ECPAS: variants seen among roughly 807,000 people sequenced by gnomAD.
ECPAS encodes Ecm29 proteasome adaptor and scaffold.
Under a neutral mutation model 255.1 loss-of-function variants are expected in ECPAS, and 70 were observed. The ratio of observed to expected loss-of-function variants is 0.27; its 90% CI spans 0.23 to 0.33. The LOEUF (loss-of-function observed/expected upper bound fraction) is 0.33, where lower values mean the gene tolerates loss of function less well. Ranked by LOEUF, ECPAS falls within the 10% of genes least tolerant of loss-of-function variation. The pLI, the probability that ECPAS is intolerant of heterozygous loss-of-function variation, is 1.00. For synonymous variants in ECPAS, 784 were observed against 775.0 expected, an observed-to-expected ratio of 1.01 and a Z score of -0.19; for missense variants, 1,817 against 2,206.4, an observed-to-expected ratio of 0.82 and a Z score of 3.54.
Position 111,393,682 on chromosome 9 carries a change from T to C in ECPAS, c.2975A>G (p.Asp992Gly). ...SAFVSVLSEN[D>G]ELSQDVASKG... ...GAAATCAAATATTAACAACCTACCA[T>C]CATTTTCTGATAGAACTGAAACAAA... Residue 992 changes from aspartate to glycine, a missense_variant and splice_region_variant, in exon 27 of 50, where the codon GAT becomes GGT. Asp to Gly is a moderately conservative substitution (Grantham distance 94, BLOSUM62 -1). Coordinates refer to ENST00000684092, the MANE Select transcript of ECPAS (RefSeq NM_001364929.1). 1 of 1,559,176 alleles carries C rather than the reference T, an allele frequency of 6.4e-7. No individual in the cohort carries two copies.
Position 111,444,392 on chromosome 9 carries a change from C to T in ECPAS, c.256G>A (p.Val86Ile), listed in dbSNP as rs2098250070. Residue 86 changes from valine (V) to isoleucine (I), a missense_variant, in exon 4 of 50, where the codon GTT (valine) becomes ATT (isoleucine). By Grantham distance (29) the Val-to-Ile change is conservative. Coordinates refer to ENST00000684092, the MANE Select transcript of ECPAS (RefSeq NM_001364929.1). ...ACAACACTCACTGTGACAAAGGAAA[C>T]TGCAGCAGGGTCCTGGTACTGAACC... is the stretch of plus-strand genomic sequence containing the variant. ...LLVQYQDPAA[V>I]SFVTNFTIIY... 1 of 1,610,514 alleles carries T rather than the reference C, an allele frequency of 6.2e-7. No individual in the cohort carries two copies.
At chr9:111,362,792 T>C (rs939348400) in intron 49 of ECPAS, among the ~76,000 whole-genome samples, 3 of 152,164 alleles carry the variant, frequency 2.0e-5, no homozygotes, top group Non-Finnish European at 4.4e-5. Flanking sequence ...TATTAGTACA[T>C]ATCTGGCAAA....
intron 6 of ECPAS, among the ~76,000 whole-genome samples, chr9:111,437,837 G>A (rs1390342335): frequency 6.6e-6 from 1 of 151,954 alleles, no homozygotes; most frequent in Non-Finnish European, 1.5e-5. Context: ...AATTAAACTG[G>A]TATTACTCAT....
intron 34 of ECPAS, among the ~76,000 whole-genome samples, chr9:111,384,263 G>C (rs1345066960): frequency 6.6e-6 from 1 of 152,202 alleles, no homozygotes; most frequent in Non-Finnish European, 1.5e-5. Context: ...CTTGATCTGA[G>C]TGATGTGCTC....
chr9:111,408,931 A>G (rs781345512), intron 23 of ECPAS, among the ~76,000 whole-genome samples: 3 of 152,214 alleles, frequency 2.0e-5, no homozygotes, highest in Non-Finnish European at 4.4e-5. Context: ...TTACCTTTCA[A>G]ACTATAACGA....
At chr9:111,383,837 T>G (rs2098143656) in intron 34 of ECPAS, among the ~76,000 whole-genome samples, 1 of 151,904 alleles carries the variant, frequency 6.6e-6, no homozygotes, top group African/African-American at 2.4e-5. Context: ...TGGGAGGATC[T>G]CCTGACCCCG....
intron 23 of ECPAS, among the ~76,000 whole-genome samples, chr9:111,409,786 T>C (rs895296757): frequency 3.9e-5 from 6 of 152,184 alleles, no homozygotes; most frequent in Admixed American, 2.6e-4. Context: ...ATGAATTTAA[T>C]ACTTCACTCA....
At chr9:111,379,384 G>A (rs975229945) in intron 35 of ECPAS, among the ~76,000 whole-genome samples, 1 of 152,180 alleles carries the variant, frequency 6.6e-6, no homozygotes, top group Non-Finnish European at 1.5e-5. Context: ...CTAAAATAAA[G>A]TACATTAGTT....
At chr9:111,420,208 G>A (rs2098211319) in intron 15 of ECPAS, 88 bp from the exon 16 acceptor site, 1 of 816,994 alleles carries the variant, frequency 1.2e-6, no homozygotes, top group Non-Finnish European at 2.1e-6. Flanking sequence ...CAATCAAGAT[G>A]AGTCTTCCTA....
intron 2 of ECPAS, among the ~76,000 whole-genome samples, chr9:111,458,249 A>G (rs2098269230): frequency 6.6e-6 from 1 of 152,226 alleles, no homozygotes; most frequent in South Asian, 2.1e-4. Flanking sequence ...TAAGGTTATT[A>G]ATGAACTTGT....
At chr9:111,417,473 T>C (rs561761974) in intron 17 of ECPAS, among the ~76,000 whole-genome samples, 44 of 152,006 alleles carry the variant, frequency 2.9e-4, no homozygotes, top group Non-Finnish European at 5.3e-4. Flanking sequence ...CAGCTGGGCA[T>C]GGTGGTTCAT....
At chr9:111,382,815 A>G (rs1237494084) in intron 35 of ECPAS, among the ~76,000 whole-genome samples, 1 of 152,226 alleles carries the variant, frequency 6.6e-6, no homozygotes, top group Non-Finnish European at 1.5e-5. Flanking sequence ...AAGTAGTCAT[A>G]TATTATATCA....
chr9:111,380,508 T>C (rs1482864564), intron 35 of ECPAS, among the ~76,000 whole-genome samples: 2 of 152,174 alleles, frequency 1.3e-5, no homozygotes, highest in Non-Finnish European at 2.9e-5. Flanking sequence ...GGCTTTAGGA[T>C]TTTCAGAATG....
At chr9:111,392,737 C>T (rs2098162086) in intron 28 of ECPAS, 31 bp downstream of exon 28, 2 of 1,452,114 alleles carry the variant, frequency 1.4e-6, no homozygotes, top group East Asian at 2.3e-5. Flanking sequence ...CCTCTATGGG[C>T]TTGAATCTAA....
At chr9:111,394,138 G>A (rs910962510) in intron 26 of ECPAS, 22 bp downstream of exon 26, 2 of 1,584,528 alleles carry the variant, frequency 1.3e-6, no homozygotes, top group Non-Finnish European at 1.7e-6. Flanking sequence ...CAACAGGGCT[G>A]ACCACATACA....
intron 2 of ECPAS, among the ~76,000 whole-genome samples, chr9:111,460,135 G>T (rs2098271521): frequency 6.6e-6 from 1 of 152,080 alleles, no homozygotes; most frequent in African/African-American, 2.4e-5. Context: ...ACAAAAATTG[G>T]ATTTATTCCA....
At chr9:111,478,747 C>A (rs913960706) in intron 1 of ECPAS, among the ~76,000 whole-genome samples, 3 of 152,128 alleles carry the variant, frequency 2.0e-5, no homozygotes, top group African/African-American at 7.2e-5. Flanking sequence ...AAATAACAGA[C>A]CTGGGAATCA....
At chr9:111,404,245 G>A (rs1484797284) in intron 24 of ECPAS, among the ~76,000 whole-genome samples, 1 of 148,976 alleles carries the variant, frequency 6.7e-6, no homozygotes, top group Non-Finnish European at 1.5e-5. Context: ...ATTAATAAAG[G>A]AAAGAAATAA....
intron 32 of ECPAS, 44 bp downstream of exon 32, chr9:111,386,333 A>T: frequency 8.0e-7 from 1 of 1,245,962 alleles, no homozygotes; most frequent in South Asian, 1.3e-5. Flanking sequence ...AAGGGAAAAA[A>T]ATTCAGTTTT....
Sources: gnomAD v4.1 joint callset for allele counts (sites outside exome capture counted in the v4.1 genomes callset) on GRCh38, gnomAD v4.1.1 for gene constraint, MANE v1.5 for transcripts, NCBI Gene and HGNC (gene_info 2026-07-23, HGNC 2026-07-21) for gene names.